AP1G1: variants seen among roughly 807,000 people sequenced by gnomAD.
AP1G1 encodes adaptor related protein complex 1 subunit gamma 1.
Under a neutral mutation model 108.3 loss-of-function variants are expected in AP1G1, and 7 were observed. The observed-to-expected ratio is 0.06, with a 90% confidence interval of 0.04 to 0.12. The LOEUF is 0.12. AP1G1 is among the 10% of genes least tolerant of loss of function. The pLI is 1.00. For synonymous variants in AP1G1, 379 were observed against 353.5 expected (o/e 1.07, Z -0.81); for missense variants, 756 against 1,010.7 (o/e 0.75, Z 3.42).
At chr16:71,800,519 G>A (rs934807646) in intron 1 of AP1G1, among the ~76,000 whole-genome samples, 5 of 150,888 alleles carry the variant, frequency 3.3e-5, no homozygotes, top group Non-Finnish European at 5.9e-5. Flanking sequence ...CCCCCGTCTC[G>A]GGTCGGGTGC....
chr16:71,736,114 AAAAATAT>A (rs1192607776), intron 21 of AP1G1, among the ~76,000 whole-genome samples: 13 of 74,088 alleles, frequency 1.8e-4, no homozygotes, highest in African/African-American at 2.9e-4. Flanking sequence ...AAAAAAAAAA[AAAAATAT>A]ATATATATAT....
intron 12 of AP1G1, among the ~76,000 whole-genome samples, chr16:71,754,379 GGAAAA>G (rs1293590936): frequency 2.0e-5 from 3 of 151,714 alleles, no homozygotes; most frequent in Admixed American, 6.6e-5. Context: ...GGAAAAGAAA[GGAAAA>G]GAAAAGAGAA....
At chr16:71,787,617 C>G (rs752733851) in intron 2 of AP1G1, among the ~76,000 whole-genome samples, 4 of 152,154 alleles carry the variant, frequency 2.6e-5, no homozygotes, top group Non-Finnish European at 5.9e-5. Context: ...TTTTATAGCC[C>G]AATTTCTAAT....
At chr16:71,783,997 G>T (rs2032114012) in intron 2 of AP1G1, among the ~76,000 whole-genome samples, 1 of 151,930 alleles carries the variant, frequency 6.6e-6, no homozygotes, top group Non-Finnish European at 1.5e-5. Context: ...CACGCAAAAG[G>T]TTACACACAC....
At position 71,765,469 on chromosome 16, in the gene AP1G1, A is replaced by C. The variant is rs1597059760; in HGVS notation, c.738+20T>G. The C allele has an allele frequency of 6.4e-7, 1 of 1,551,912 alleles. No individual in the cohort carries two copies. Among genetic ancestry groups the C allele is most frequent in the Non-Finnish European group, 8.9e-7 (1 of 1,126,506 alleles). On this transcript the variant is annotated intron_variant, in intron 7 of 22. Coordinates refer to ENST00000299980, the MANE Select transcript of AP1G1 (RefSeq NM_001128.6). Reference sequence around the variant, plus strand: ...ATTAAATTCATATAACATTTATTTAAAACGTTCTTTCAACCTCACCTGCAA... The same window carrying C: ...ATTAAATTCATATAACATTTATTTACAACGTTCTTTCAACCTCACCTGCAA...
intron 4 of AP1G1, among the ~76,000 whole-genome samples, chr16:71,772,359 G>A (rs1438282212): frequency 6.6e-6 from 1 of 152,106 alleles, no homozygotes; most frequent in Non-Finnish European, 1.5e-5. Flanking sequence ...TTGATCTCCT[G>A]ACCTTGTGAT....
intron 2 of AP1G1, chr16:71,777,773 A>G: frequency 2.3e-6 from 1 of 435,658 alleles, no homozygotes; most frequent in South Asian, 1.7e-5. Context: ...CTCCTCCTCC[A>G]CCTTCTCCTT....
chr16:71,800,516 CTCGGG>C (rs1304340127), intron 1 of AP1G1, among the ~76,000 whole-genome samples: 3 of 151,022 alleles, frequency 2.0e-5, no homozygotes, highest in African/African-American at 4.9e-5. Context: ...ACCCCCCCGT[CTCGGG>C]TCGGGTGCGG....
chr16:71,749,527 T>C (rs1242142385), intron 15 of AP1G1, among the ~76,000 whole-genome samples: 1 of 151,862 alleles, frequency 6.6e-6, no homozygotes, highest in South Asian at 2.1e-4. Flanking sequence ...ATAAGTTCCA[T>C]CTCAAAAAAT....
intron 1 of AP1G1, among the ~76,000 whole-genome samples, chr16:71,801,964 G>C (rs569090557): frequency 6.0e-5 from 9 of 150,622 alleles, no homozygotes; most frequent in African/African-American, 2.2e-4. Context: ...TGCTCTGCAA[G>C]TGTTTCAGAT....
At chr16:71,780,872 G>A (rs943516355) in intron 2 of AP1G1, among the ~76,000 whole-genome samples, 5 of 150,446 alleles carry the variant, frequency 3.3e-5, no homozygotes, top group Non-Finnish European at 7.4e-5. Flanking sequence ...AGGCTGGAGC[G>A]GGGTTTCACC....
At position 71,767,204 on chromosome 16, in the gene AP1G1, C is replaced by T. The variant is rs78684197; in HGVS notation, c.643-1620G>A. Among the ~76,000 whole-genome samples the T allele has an allele frequency of 2.6e-3, 390 of 152,292 alleles. 1 individual carries two copies. Among genetic ancestry groups the T allele is most frequent in the Non-Finnish European group, 4.4e-3 (296 of 68,032 alleles). On this transcript the variant is annotated intron_variant, in intron 6 of 22. Coordinates refer to ENST00000299980, the MANE Select transcript of AP1G1 (RefSeq NM_001128.6). ...CATCACATAACATTACCCTGGGACA[C>T]AGAGCACAAATGACTAAATGTTCAG... is the stretch of plus-strand genomic sequence containing the variant.
At chr16:71,756,956 G>A (rs2030822824) in intron 11 of AP1G1, among the ~76,000 whole-genome samples, 1 of 151,456 alleles carries the variant, frequency 6.6e-6, no homozygotes. Flanking sequence ...AAATTCAAAG[G>A]GAAAATGAGG....
At chr16:71,774,402 T>G in intron 3 of AP1G1, 66 bp downstream of exon 3, 1 of 1,552,080 alleles carries the variant, frequency 6.4e-7, no homozygotes, top group South Asian at 1.2e-5. Context: ...AGACTCCGTC[T>G]CAAAGAAAAT....
intron 21 of AP1G1, among the ~76,000 whole-genome samples, 177 bp from the exon 22 acceptor site, chr16:71,734,884 C>T (rs1219629187): frequency 6.6e-6 from 1 of 152,232 alleles, no homozygotes; most frequent in East Asian, 1.9e-4. Flanking sequence ...AGTTGACTCC[C>T]TGTGGTATTT....
In AP1G1 at chr16:71,772,850, T is replaced by C. The variant is rs552235760; in HGVS notation, c.468+371A>G. The C allele has an allele frequency of 7.8e-4, 238 of 304,694 alleles. 2 individuals are homozygous for C. Among genetic ancestry groups the C allele is most frequent in the South Asian group, 2.5e-3 (86 of 34,986 alleles). 18.9% of individuals were successfully genotyped at this position (304,694 alleles called of 1,614,324 possible). A position where few individuals can be genotyped will look rare whatever the true frequency, so the allele number is the denominator to read the frequency against. On this transcript the variant is annotated intron_variant, in intron 4 of 22. Transcript: ENST00000299980. ...GTTCTACATCATTCCCTAATAATTA[T>C]CTAGGTCCCAATAGAACTGCCCTTC...
intron 10 of AP1G1, among the ~76,000 whole-genome samples, chr16:71,761,070 C>G (rs2145462001): frequency 6.6e-6 from 1 of 152,314 alleles, no homozygotes; most frequent in African/African-American, 2.4e-5. Flanking sequence ...TACAGCCCAC[C>G]TGTAAAACCC....
chr16:71,796,105 C>T lies in AP1G1; in HGVS notation c.-3-6623G>A, dbSNP rs1387203586. ...TACAAAAATTAGTTGGGAGTGGTGG[C>T]GCATGCGTCTGTAGTCCTAGCTATT... is the stretch of plus-strand genomic sequence containing the variant. On this transcript the variant is annotated intron_variant, in intron 1 of 22. Transcript: ENST00000299980. 5.9e-5 allele frequency among the ~76,000 whole-genome samples: 9 copies of T among 152,158 alleles called. No individual in the cohort carries two copies. The East Asian group carries it at 1.4e-3, about 23-fold the overall frequency.
At chr16:71,777,432 G>C (rs975634818) in intron 2 of AP1G1, among the ~76,000 whole-genome samples, 28 of 152,086 alleles carry the variant, frequency 1.8e-4, no homozygotes, top group African/African-American at 6.5e-4. Flanking sequence ...GGGTGGAGGG[G>C]TCAGTGTCTG....
Sources: allele counts gnomAD v4.1 joint callset (sites outside exome capture counted in the v4.1 genomes callset), GRCh38; gene constraint gnomAD v4.1.1; transcripts MANE v1.5; gene names NCBI Gene and HGNC (gene_info 2026-07-23, HGNC 2026-07-21).